The following CDH13 variants were observed in gnomAD, a reference collection of about 807,000 sequenced individuals.
CDH13 encodes cadherin 13.
Under a neutral mutation model 63.8 loss-of-function variants are expected in CDH13, and 24 were observed. That is an observed-to-expected ratio of 0.38 (90% CI 0.27 to 0.53). CDH13 has a LOEUF of 0.53. Ranked by LOEUF, CDH13 falls within the 20% of genes least tolerant of loss-of-function variation. The pLI, the probability that CDH13 is intolerant of heterozygous loss-of-function variation, is 0.85. For missense variants in CDH13, 1,049 were observed against 903.1 expected (o/e 1.16, Z -2.07); for synonymous variants, 503 against 355.3 (o/e 1.42, Z -4.67).
At chr16:83,410,704 A>G (rs1457753428) in intron 6 of CDH13, among the ~76,000 whole-genome samples, 1 of 152,130 alleles carries the variant, frequency 6.6e-6, no homozygotes, top group Admixed American at 6.5e-5. Context: ...TTTATTCTCC[A>G]TTGAACTTTT....
chr16:83,109,755 T>C (rs954415491), intron 3 of CDH13, among the ~76,000 whole-genome samples: 3 of 152,192 alleles, frequency 2.0e-5, no homozygotes, highest in African/African-American at 4.8e-5. Context: ...CAAGTAGCTA[T>C]TGAACATGAA....
At chr16:83,176,310 G>T (rs1430291762) in intron 4 of CDH13, among the ~76,000 whole-genome samples, 1 of 151,896 alleles carries the variant, frequency 6.6e-6, no homozygotes, top group Admixed American at 6.6e-5. Flanking sequence ...AGGAGTTCGA[G>T]ACCAGCCTGG....
chr16:82,963,690 C>T (rs1295082690), intron 2 of CDH13, among the ~76,000 whole-genome samples: 1 of 152,190 alleles, frequency 6.6e-6, no homozygotes, highest in Non-Finnish European at 1.5e-5. Context: ...CCTAAATCCT[C>T]AACACCTGTT....
intron 7 of CDH13, among the ~76,000 whole-genome samples, chr16:83,534,463 A>G (rs11861750): frequency 0.15 from 22,517 of 152,190 alleles, 2,051 homozygotes; most frequent in African/African-American, 0.26. Flanking sequence ...TGAATCTGAC[A>G]TCAAATAAGC....
At chr16:83,416,618 C>G (rs1041092616) in intron 6 of CDH13, among the ~76,000 whole-genome samples, 4 of 152,218 alleles carry the variant, frequency 2.6e-5, no homozygotes, top group Admixed American at 6.5e-5. Flanking sequence ...ACTTCAATCT[C>G]TGACCTCCCT....
At chr16:83,318,748 C>A (rs763458018) in intron 5 of CDH13, among the ~76,000 whole-genome samples, 2 of 152,122 alleles carry the variant, frequency 1.3e-5, no homozygotes, top group Non-Finnish European at 2.9e-5. Flanking sequence ...CTGCCAGGAA[C>A]AAATGGCGAG....
chr16:83,191,496 T>TGCAC (rs1380502366), intron 4 of CDH13, among the ~76,000 whole-genome samples: 9 of 72,260 alleles, frequency 1.2e-4, no homozygotes, highest in African/African-American at 5.2e-4. Context: ...TATGCACATA[T>TGCAC]ATATATATAC....
At chr16:83,763,079 AT>A (rs1914105915) in intron 11 of CDH13, among the ~76,000 whole-genome samples, 1 of 152,272 alleles carries the variant, frequency 6.6e-6, no homozygotes, top group African/African-American at 2.4e-5. Context: ...ATCTATTTCC[AT>A]TTAAAAGAAC....
At chr16:83,061,407 C>T (rs2031539195) in intron 3 of CDH13, among the ~76,000 whole-genome samples, 1 of 152,130 alleles carries the variant, frequency 6.6e-6, no homozygotes, top group African/African-American at 2.4e-5. Flanking sequence ...ATCCTCTTTC[C>T]AAAATAGTTT....
intron 7 of CDH13, among the ~76,000 whole-genome samples, chr16:83,498,113 T>C (rs1301309653): frequency 6.6e-6 from 1 of 152,134 alleles, no homozygotes; most frequent in African/African-American, 2.4e-5. Context: ...TGACTAAATA[T>C]TGGAGGGAAC....
intron 11 of CDH13, among the ~76,000 whole-genome samples, chr16:83,762,276 A>C (rs1009954472): frequency 6.6e-6 from 1 of 152,124 alleles, no homozygotes; most frequent in African/African-American, 2.4e-5. Flanking sequence ...CATTTGCCTT[A>C]TATGGTCCAG....
rs183070725 is a variant in CDH13 at position 82,989,602 on chromosome 16, G to A, written c.158-42408G>A. 2.0e-3 allele frequency among the ~76,000 whole-genome samples: 299 copies of A among 152,318 alleles called. 2 individuals carry two copies. The highest frequency in any genetic ancestry group is 0.017 in the Middle Eastern group (5 of 294). On this transcript the variant is annotated intron_variant, in intron 2 of 13. Coordinates refer to ENST00000567109, the MANE Select transcript of CDH13 (RefSeq NM_001257.5). ...GCCCAGAGCCTAGATGAGGCTGTGT[G>A]GACCAGTGATACAATGGAGACTTTA... is the stretch of plus-strand genomic sequence containing the variant.
chr16:82,887,546 G>A (rs561848210), intron 2 of CDH13, among the ~76,000 whole-genome samples: 1 of 152,094 alleles, frequency 6.6e-6, no homozygotes, highest in Non-Finnish European at 1.5e-5. Flanking sequence ...AGAAAGGAGG[G>A]CCAGTGGCTC....
chr16:82,695,203 A>C (rs1049259496), intron 1 of CDH13, among the ~76,000 whole-genome samples: 1 of 152,156 alleles, frequency 6.6e-6, no homozygotes, highest in East Asian at 1.9e-4. Flanking sequence ...GCCTGGGGCA[A>C]TGAGGAGGCT....
At chr16:83,513,838 G>C (rs1014425202) in intron 7 of CDH13, among the ~76,000 whole-genome samples, 2 of 152,106 alleles carry the variant, frequency 1.3e-5, no homozygotes, top group Non-Finnish European at 2.9e-5. Flanking sequence ...CACCATAATA[G>C]GCCGCAGATC....
At chr16:83,733,416 C>T (rs921386254) in intron 10 of CDH13, among the ~76,000 whole-genome samples, 13 of 152,152 alleles carry the variant, frequency 8.5e-5, no homozygotes, top group East Asian at 1.9e-4. Context: ...TCTCTATAGA[C>T]GGTTGTCTAT....
intron 5 of CDH13, among the ~76,000 whole-genome samples, chr16:83,264,579 T>A (rs894403640): frequency 6.9e-6 from 1 of 145,978 alleles, no homozygotes; most frequent in African/African-American, 2.7e-5. Context: ...TACATATGTG[T>A]ATATATATAT....
At chr16:83,784,646 A>AG (rs1757609317) in intron 13 of CDH13, among the ~76,000 whole-genome samples, 1 of 151,490 alleles carries the variant, frequency 6.6e-6, no homozygotes, top group East Asian at 1.9e-4. Flanking sequence ...AAAAAAAAAA[A>AG]AAGGAAACAA....
At chr16:82,892,541 T>C (rs2041115832) in intron 2 of CDH13, among the ~76,000 whole-genome samples, 1 of 152,204 alleles carries the variant, frequency 6.6e-6, no homozygotes, top group Non-Finnish European at 1.5e-5. Context: ...GTCATGTCAC[T>C]AGATGTGTAC....
Sources: allele counts gnomAD v4.1 joint callset (sites outside exome capture counted in the v4.1 genomes callset), GRCh38; gene constraint gnomAD v4.1.1; transcripts MANE v1.5; gene names NCBI Gene and HGNC (gene_info 2026-07-23, HGNC 2026-07-21).